Variants in CSMD3 observed in about 807,000 individuals in gnomAD.
The protein encoded by CSMD3 is CUB and sushi domain-containing protein 3.
In CSMD3, 177 loss-of-function variants were observed where a neutral mutation model predicts 435.2. That is an observed-to-expected ratio of 0.41 (90% CI 0.36 to 0.46). CSMD3 has a LOEUF of 0.46. Ranked by LOEUF, CSMD3 falls within the 20% of genes least tolerant of loss-of-function variation. The pLI, the probability that CSMD3 is intolerant of heterozygous loss-of-function variation, is 0.34. For missense variants in CSMD3, 4,265 were observed against 4,504.6 expected (o/e 0.95, Z 1.52); for synonymous variants, 1,656 against 1,520.5 (o/e 1.09, Z -2.07).
chr8:112,554,208 G>C (rs914692107), intron 25 of CSMD3, among the ~76,000 whole-genome samples: 9 of 151,876 alleles, frequency 5.9e-5, no homozygotes, highest in Non-Finnish European at 5.9e-5. Context: ...AGAGACAAAA[G>C]AGAGAGACAG....
At chr8:113,164,529 T>G (rs185893397) in intron 4 of CSMD3, among the ~76,000 whole-genome samples, 9 of 151,992 alleles carry the variant, frequency 5.9e-5, no homozygotes, top group African/African-American at 1.9e-4. Context: ...AGAAAATTAT[T>G]TATTTTCTTT....
At chr8:112,718,980 G>A (rs1272314128) in intron 13 of CSMD3, among the ~76,000 whole-genome samples, 2 of 152,060 alleles carry the variant, frequency 1.3e-5, no homozygotes, top group Non-Finnish European at 2.9e-5. Flanking sequence ...GTCAAATGAA[G>A]AGAAAGCATT....
intron 1 of CSMD3, among the ~76,000 whole-genome samples, chr8:113,409,656 G>A (rs1306474609): frequency 2.0e-5 from 3 of 152,060 alleles, no homozygotes; most frequent in Non-Finnish European, 2.9e-5. Context: ...GGAATTATTC[G>A]GTTGAAGTTC....
chr8:112,269,655 T>C (rs1424043944), intron 59 of CSMD3, among the ~76,000 whole-genome samples: 2 of 152,174 alleles, frequency 1.3e-5, no homozygotes, highest in South Asian at 4.1e-4. Flanking sequence ...CCCCTTATAA[T>C]TAATATCCCA....
At chr8:112,645,845 T>C (rs1225331030) in intron 19 of CSMD3, among the ~76,000 whole-genome samples, 1 of 152,246 alleles carries the variant, frequency 6.6e-6, no homozygotes, top group Non-Finnish European at 1.5e-5. Flanking sequence ...CTTCTATATA[T>C]TCAACAGCTA....
chr8:112,677,913 C>T (rs2075803058), intron 16 of CSMD3, among the ~76,000 whole-genome samples: 1 of 152,098 alleles, frequency 6.6e-6, no homozygotes, highest in African/African-American at 2.4e-5. Context: ...ACTGGCCTAG[C>T]ACAATGGATT....
chr8:112,559,231 G>A (rs1409633703), intron 24 of CSMD3, among the ~76,000 whole-genome samples: 1 of 151,858 alleles, frequency 6.6e-6, no homozygotes, highest in East Asian at 1.9e-4. Context: ...GAAGAATGAG[G>A]CCCAGAAATT....
chr8:113,352,257 A>T (rs531806380), intron 1 of CSMD3, among the ~76,000 whole-genome samples: 1 of 152,076 alleles, frequency 6.6e-6, no homozygotes, highest in Admixed American at 6.6e-5. Context: ...TATGATGCGT[A>T]TGCCTGTAAG....
intron 3 of CSMD3, among the ~76,000 whole-genome samples, chr8:113,269,763 T>G (rs867237705): frequency 1.8e-4 from 27 of 152,172 alleles, no homozygotes; most frequent in African/African-American, 6.3e-4. Flanking sequence ...TAGCCATATG[T>G]AGAAAGCTGA....
intron 5 of CSMD3, among the ~76,000 whole-genome samples, chr8:113,072,659 A>C (rs941822324): frequency 4.0e-5 from 6 of 151,842 alleles, no homozygotes; most frequent in Admixed American, 2.0e-4. Flanking sequence ...TACTCAAATA[A>C]TCATTTTTTA....
At chr8:112,865,989 A>G (rs2080970483) in intron 10 of CSMD3, among the ~76,000 whole-genome samples, 1 of 152,164 alleles carries the variant, frequency 6.6e-6, no homozygotes, top group Non-Finnish European at 1.5e-5. Flanking sequence ...TGGTGAATGT[A>G]GAATGTGGTA....
At chr8:112,483,703 C>T (rs1299396831) in intron 31 of CSMD3, among the ~76,000 whole-genome samples, 2 of 152,016 alleles carry the variant, frequency 1.3e-5, no homozygotes, top group East Asian at 3.9e-4. Flanking sequence ...TTTGTAAGGC[C>T]TTAGGAAAAT....
In CSMD3 at chr8:112,295,895, C is replaced by T. The variant is rs750203558; in HGVS notation, c.8552G>A (p.Gly2851Asp). The change falls in exon 54 of 71, where the codon GGT becomes GAT. Residue 2851 changes from glycine to aspartate, a missense_variant. Physicochemically the swap from Gly to Asp is moderately conservative, Grantham distance 94 (BLOSUM62 -1). This residue lies in a region of CSMD3 where 3,255 missense variants were observed against 3,380.2 expected (regional missense o/e 0.96). Transcript: ENST00000297405. ...CTGTTGACATATCCTCACTGAAGAA[C>T]CAATCAATCGAAAACCAGGATTACA... ...YQCNPGFRLI[G>D]SSVRICQQDH... is the part of the protein sequence containing the mutation. The T allele has an allele frequency of 3.1e-5, 50 of 1,613,844 alleles. No homozygotes were observed. Among genetic ancestry groups the T allele is most frequent in the Non-Finnish European group, 4.1e-5 (48 of 1,179,960 alleles).
rs199698568 is a variant in CSMD3 at position 112,951,631 on chromosome 8, T to TA, written c.1420+3052dup. Among the ~76,000 whole-genome samples the TA allele has an allele frequency of 8.0e-3, 1,212 of 151,984 alleles. 17 individuals are homozygous for TA. Among genetic ancestry groups the TA allele is most frequent in the African/African-American group, 0.027 (1,134 of 41,530 alleles). On this transcript the variant is annotated intron_variant, in intron 8 of 70. Coordinates refer to ENST00000297405, the MANE Select transcript of CSMD3 (RefSeq NM_198123.2). ...ATTCTACAAAGAGTTATCTCTTAAC[T>TA]AATTTAGCTTCCCTATAAAATATTG...
rs75750813 is a variant in CSMD3, at chr8:113,066,362, G to T, written c.917+32394C>A. Among the ~76,000 whole-genome samples, 1,309 of 151,986 alleles carry T rather than the reference G, an allele frequency of 8.6e-3. 23 individuals carry two copies. Among genetic ancestry groups the T allele is most frequent in the African/African-American group, 0.03 (1,228 of 41,492 alleles). Reference sequence around the variant, plus strand: ...TGTTATGGAGTATGAAGAGGAGAGGGTGAGGTATGGAAGTAGAGGACTTCA... The same window carrying T: ...TGTTATGGAGTATGAAGAGGAGAGGTTGAGGTATGGAAGTAGAGGACTTCA... On this transcript the variant is annotated intron_variant, in intron 5 of 70. Coordinates refer to ENST00000297405, the MANE Select transcript of CSMD3 (RefSeq NM_198123.2).
At chr8:112,417,177 A>G (rs1271103342) in intron 32 of CSMD3, among the ~76,000 whole-genome samples, 1 of 152,160 alleles carries the variant, frequency 6.6e-6, no homozygotes, top group Admixed American at 6.5e-5. Flanking sequence ...TTTTCAAATG[A>G]CCAACTTATG....
At chr8:112,694,678 A>G (rs1437878838) in intron 13 of CSMD3, among the ~76,000 whole-genome samples, 1 of 152,096 alleles carries the variant, frequency 6.6e-6, no homozygotes, top group Non-Finnish European at 1.5e-5. Flanking sequence ...CCTATGCAGT[A>G]GTGATATGGT....
chr8:113,329,229 A>AAATAAATAAATAAATC (rs2094008698), intron 1 of CSMD3, among the ~76,000 whole-genome samples: 1 of 151,236 alleles, frequency 6.6e-6, no homozygotes, highest in Non-Finnish European at 1.5e-5. Context: ...ATAAATAAAT[A>AAATAAATAAATAAATC]AATAAGGAAT....
chr8:112,904,044 T>C (rs1020964279), intron 10 of CSMD3, among the ~76,000 whole-genome samples: 3 of 151,298 alleles, frequency 2.0e-5, no homozygotes, highest in African/African-American at 7.3e-5. Context: ...TTCTTAAGAA[T>C]AGGGGTCCAT....
Sources: gnomAD v4.1 joint callset for allele counts (sites outside exome capture counted in the v4.1 genomes callset) on GRCh38, gnomAD v4.1.1 for gene constraint, gnomAD v4.1.1 regional missense constraint, MANE v1.5 for transcripts, NCBI Gene and HGNC (gene_info 2026-07-23, HGNC 2026-07-21) for gene names.